Variants in SRGAP2B observed in about 807,000 individuals in gnomAD.
The protein encoded by SRGAP2B is SLIT-ROBO Rho GTPase-activating protein 2B.
A neutral mutation model predicts 22.2 loss-of-function variants in SRGAP2B; 9 were observed. The observed-to-expected ratio is 0.41, with a 90% CI of 0.24 to 0.71. The LOEUF (loss-of-function observed/expected upper bound fraction) is 0.71. Ranked by LOEUF, SRGAP2B falls within the 30% of genes least tolerant of loss-of-function variation. The pLI is 0.35. For synonymous variants in SRGAP2B, 36 were observed against 87.4 expected (o/e 0.41, Z 3.28); for missense variants, 114 against 235.8 (o/e 0.48, Z 3.38).
intron 2 of SRGAP2B, among the ~76,000 whole-genome samples, chr1:145,013,093 T>C (rs1672179368): frequency 6.6e-6 from 1 of 150,898 alleles, no homozygotes; most frequent in African/African-American, 2.5e-5. Context: ...CAAAAAAAAG[T>C]GTGATGATCT....
intron 2 of SRGAP2B, among the ~76,000 whole-genome samples, chr1:144,996,403 C>T: frequency 6.8e-6 from 1 of 147,832 alleles, no homozygotes; most frequent in Non-Finnish European, 1.5e-5. Flanking sequence ...TATGTGTGCC[C>T]CAAATTCATT....
At chr1:144,975,835 A>AG (rs1177148633) in intron 3 of SRGAP2B, among the ~76,000 whole-genome samples, 10 of 137,676 alleles carry the variant, frequency 7.3e-5, no homozygotes, top group Non-Finnish European at 1.4e-4. Flanking sequence ...TCTAGTCAGT[A>AG]GTCTTCTTTT....
intron 4 of SRGAP2B, among the ~76,000 whole-genome samples, chr1:144,921,048 C>A (rs1553604270): frequency 3.4e-5 from 5 of 148,838 alleles, no homozygotes; most frequent in Admixed American, 3.3e-4. Flanking sequence ...GAATGCAAAA[C>A]AGAAAGTTTA....
chr1:145,090,164 A>G (rs1273051207), intron 2 of SRGAP2B, among the ~76,000 whole-genome samples: 3 of 148,294 alleles, frequency 2.0e-5, no homozygotes, highest in Non-Finnish European at 2.9e-5. Flanking sequence ...GACACTCATA[A>G]TAATTCTGAC....
intron 2 of SRGAP2B, among the ~76,000 whole-genome samples, chr1:145,020,608 T>G (rs1672731958): frequency 6.8e-6 from 1 of 147,466 alleles, no homozygotes; most frequent in African/African-American, 2.6e-5. Flanking sequence ...CCAACTGAAA[T>G]GTTAACTCAC....
At chr1:144,912,116 A>AT (rs1157778341) in intron 5 of SRGAP2B, among the ~76,000 whole-genome samples, 8,167 of 146,086 alleles carry the variant, frequency 0.056, 1,018 homozygotes, top group African/African-American at 0.2. Flanking sequence ...ATGCCCAGCT[A>AT]TTTTTTTTTG....
At chr1:144,917,721 G>T (rs1301325845) in intron 4 of SRGAP2B, 1 of 136,752 alleles carries the variant, frequency 7.3e-6, no homozygotes, top group Non-Finnish European at 1.5e-5. Flanking sequence ...GGTTGGGCTG[G>T]GAATACATGT....
At chr1:144,985,831 A>G (rs1314334779) in intron 3 of SRGAP2B, among the ~76,000 whole-genome samples, 1 of 148,132 alleles carries the variant, frequency 6.8e-6, no homozygotes. Flanking sequence ...TAATCGCTAC[A>G]GTTCTATCTG....
intron 2 of SRGAP2B, among the ~76,000 whole-genome samples, chr1:145,005,967 C>A (rs559137): frequency 1.3e-5 from 2 of 150,950 alleles, no homozygotes; most frequent in South Asian, 4.2e-4. Context: ...AGTTTATGCA[C>A]CACCCCAGAT....
At chr1:145,065,196 T>G (rs1281998854) in intron 2 of SRGAP2B, among the ~76,000 whole-genome samples, 23 of 152,184 alleles carry the variant, frequency 1.5e-4, no homozygotes, top group African/African-American at 5.5e-4. Flanking sequence ...AAGTTTCAAT[T>G]ATAAAACTTG....
At chr1:144,899,695 A>G (rs1225189910) in intron 7 of SRGAP2B, among the ~76,000 whole-genome samples, 475 of 147,972 alleles carry the variant, frequency 3.2e-3, no homozygotes, top group Non-Finnish European at 5.2e-3. Context: ...TGGGCCTCAA[A>G]TGAGGATAAC....
intron 2 of SRGAP2B, among the ~76,000 whole-genome samples, chr1:145,062,929 G>A (rs1261762942): frequency 1.4e-5 from 2 of 146,720 alleles, no homozygotes; most frequent in African/African-American, 5.2e-5. Flanking sequence ...GCCAATAGAG[G>A]CAAGGTAATT....
At chr1:144,965,179 G>C (rs1667983789) in intron 3 of SRGAP2B, 8 of 1,045,826 alleles carry the variant, frequency 7.6e-6, no homozygotes, top group African/African-American at 1.6e-5. Context: ...GGCCGAATAG[G>C]AACAGCTCCG....
intron 3 of SRGAP2B, among the ~76,000 whole-genome samples, chr1:144,956,741 C>T (rs1667297725): frequency 6.7e-6 from 1 of 150,222 alleles, no homozygotes; most frequent in Non-Finnish European, 1.5e-5. Flanking sequence ...AGCCACCGCG[C>T]CCGGCCCTAG....
At chr1:144,964,904 A>T in intron 3 of SRGAP2B, 1 of 658,788 alleles carries the variant, frequency 1.5e-6, no homozygotes, top group Non-Finnish European at 2.7e-6. Flanking sequence ...TGGGTAACAT[A>T]GGACCTGTCT....
Position 144,966,896 on chromosome 1 carries a change from G to T in SRGAP2B, c.261-11295C>A, listed in dbSNP as rs1275436690. On this transcript the variant is annotated intron_variant, in intron 3 of 9. Coordinates refer to ENST00000612199, the Ensembl canonical transcript of SRGAP2B. ...ACAAAGATCAAAAGAGACAAAGAAGGCCATTACATAATGGTAAAGGGATCA... is the reference window on the plus strand; with the variant it reads ...ACAAAGATCAAAAGAGACAAAGAAGTCCATTACATAATGGTAAAGGGATCA... Among the ~76,000 whole-genome samples the T allele has an allele frequency of 1.4e-4, 20 of 147,300 alleles. 3 individuals carry two copies. Among genetic ancestry groups the T allele is most frequent in the African/African-American group, 5.3e-4 (20 of 37,606 alleles).
Position 144,997,728 on chromosome 1 carries a change from T to TA in SRGAP2B, c.68-2529dup, listed in dbSNP as rs1435874558. 1.3e-4 allele frequency among the ~76,000 whole-genome samples: 17 copies of TA among 126,036 alleles called. No individual in the cohort carries two copies. The Admixed American group carries it at 1.4e-3, about 10-fold the overall frequency. The allele number at this position is 126,036 out of a possible 152,430, so 82.7% of individuals were successfully genotyped here. A position where few individuals can be genotyped will look rare whatever the true frequency, so the allele number is the denominator to read the frequency against. ...TTAGCCTGTCCAAGGAACAAGTACT[T>TA]AATAGGAGGCCTCTGAGATATGTGA... On this transcript the variant is annotated intron_variant, in intron 2 of 9. Coordinates refer to ENST00000612199, the Ensembl canonical transcript of SRGAP2B.
Position 144,916,115 on chromosome 1 carries a change from TATA to T in SRGAP2B, c.424-1364_424-1362del, listed in dbSNP as rs1176519591. ...GATTACAAAAGTAATGTATGTTTAT[TATA>T]ATAAGGAAACTAGAAACCTCAAAAA... On this transcript the variant is annotated intron_variant, in intron 4 of 9. Transcript: ENST00000612199. Among the ~76,000 whole-genome samples, 4 of 150,624 alleles carry T rather than the reference TATA, an allele frequency of 2.7e-5. No homozygotes were observed. The East Asian group carries it at 7.7e-4, about 29-fold the overall frequency.
At chr1:144,988,999 C>CTTTTTTTTTTTTTT (rs3062880) in intron 3 of SRGAP2B, among the ~76,000 whole-genome samples, 80 of 55,100 alleles carry the variant, frequency 1.5e-3, no homozygotes, top group Non-Finnish European at 1.8e-3. Context: ...ACTCCCCCCA[C>CTTTTTTTTTTTTTT]TTTTTTTTTT....
Sources: allele counts gnomAD v4.1 joint callset (sites outside exome capture counted in the v4.1 genomes callset), GRCh38; gene constraint gnomAD v4.1.1; transcripts MANE v1.5; gene names NCBI Gene and HGNC (gene_info 2026-07-23, HGNC 2026-07-21).